Variants in CFAP54 observed in about 807,000 individuals in gnomAD.
CFAP54 encodes cilia- and flagella-associated protein 54.
Under a neutral mutation model 370.4 loss-of-function variants are expected in CFAP54, and 290 were observed. That is an observed-to-expected ratio of 0.78 (90% CI 0.71 to 0.86). The LOEUF (loss-of-function observed/expected upper bound fraction) is 0.86, where lower values mean the gene tolerates loss of function less well. Ranked by LOEUF, CFAP54 falls within the 40% of genes least tolerant of loss-of-function variation. CFAP54 has a pLI of 0.00. For synonymous variants in CFAP54, 1,206 were observed against 1,236.5 expected (o/e 0.98, Z 0.52); for missense variants, 3,399 against 3,528.7 (o/e 0.96, Z 0.93).
At chr12:96,766,882 G>T (rs557015664) in intron 60 of CFAP54, among the ~76,000 whole-genome samples, 2 of 152,266 alleles carry the variant, frequency 1.3e-5, no homozygotes, top group South Asian at 2.1e-4. Context: ...ACAACAACAG[G>T]AACTCATTCT....
At position 96,863,605 on chromosome 12, in the gene CFAP54, T is replaced by C. The variant is rs183559572; in HGVS notation, c.*14+2653T>C. On this transcript the variant is annotated intron_variant, in intron 67 of 67. Coordinates refer to ENST00000524981, the MANE Select transcript of CFAP54 (RefSeq NM_001306084.2). ...ATAGTAAAGGGAGAGGAAGACATAG[T>C]TGAGGTTCAAGCTAAAACTGGGACA... is the stretch of plus-strand genomic sequence containing the variant. 1.4e-4 allele frequency among the ~76,000 whole-genome samples: 21 copies of C among 152,196 alleles called. No homozygotes were observed. The East Asian group carries it at 3.9e-3, about 28-fold the overall frequency.
At chr12:96,532,695 A>G (rs1031928510) in intron 9 of CFAP54, among the ~76,000 whole-genome samples, 2 of 152,054 alleles carry the variant, frequency 1.3e-5, no homozygotes, top group African/African-American at 4.8e-5. Flanking sequence ...ATCATTCTTC[A>G]CTGTAACCTG....
chr12:96,679,504 G>A (rs1957247090), intron 39 of CFAP54, 96 bp from the exon 40 acceptor site: 8 of 1,342,282 alleles, frequency 6.0e-6, no homozygotes, highest in Non-Finnish European at 7.0e-6. Context: ...GCTTTAGGTT[G>A]GGACCAAGAA....
intron 62 of CFAP54, among the ~76,000 whole-genome samples, chr12:96,789,763 T>G (rs965971913): frequency 6.6e-6 from 1 of 152,180 alleles, no homozygotes; most frequent in Non-Finnish European, 1.5e-5. Flanking sequence ...TTTTTTGATA[T>G]AATTAGTGTA....
intron 14 of CFAP54, among the ~76,000 whole-genome samples, chr12:96,543,495 C>A (rs942582847): frequency 6.6e-6 from 1 of 152,136 alleles, no homozygotes; most frequent in Admixed American, 6.5e-5. Context: ...AGGAGGGACT[C>A]CTAACTTCTT....
chr12:96,642,845 A>C (rs1956747259), intron 32 of CFAP54, among the ~76,000 whole-genome samples: 1 of 152,106 alleles, frequency 6.6e-6, no homozygotes, highest in Non-Finnish European at 1.5e-5. Flanking sequence ...AGGTTATTGG[A>C]GCACCCTGAA....
intron 9 of CFAP54, among the ~76,000 whole-genome samples, chr12:96,529,835 A>G (rs1321927597): frequency 1.3e-5 from 2 of 152,168 alleles, no homozygotes; most frequent in African/African-American, 2.4e-5. Context: ...TAATTTTAAT[A>G]TAGTCCAATT....
intron 6 of CFAP54, among the ~76,000 whole-genome samples, chr12:96,519,286 A>G (rs1955276892): frequency 6.6e-6 from 1 of 152,060 alleles, no homozygotes; most frequent in Non-Finnish European, 1.5e-5. Context: ...TTTAGTAGAG[A>G]CAGGGTTTTG....
At chr12:96,490,028 C>CGGACGCAGGGGCTGGCTGAA (rs1486519741) in intron 1 of CFAP54, 102 bp downstream of exon 1, 3 of 1,138,048 alleles carry the variant, frequency 2.6e-6, no homozygotes, top group Non-Finnish European at 3.6e-6. Flanking sequence ...TTCAGCGTTG[C>CGGACGCAGGGGCTGGCTGAA]GGACGCAGGG....
At chr12:96,678,038 G>A (rs1487823015) in intron 39 of CFAP54, among the ~76,000 whole-genome samples, 4 of 152,096 alleles carry the variant, frequency 2.6e-5, no homozygotes, top group Non-Finnish European at 5.9e-5. Context: ...AAGATTTGTT[G>A]TCCTTTGGTG....
At chr12:96,798,926 G>A (rs996905992) in intron 63 of CFAP54, among the ~76,000 whole-genome samples, 4 of 152,022 alleles carry the variant, frequency 2.6e-5, no homozygotes, top group Non-Finnish European at 5.9e-5. Flanking sequence ...CCTAACCAGC[G>A]AATTAAGTAC....
At chr12:96,529,752 G>T (rs879786019) in intron 9 of CFAP54, among the ~76,000 whole-genome samples, 6 of 151,956 alleles carry the variant, frequency 3.9e-5, no homozygotes, top group Non-Finnish European at 7.4e-5. Flanking sequence ...TACATGTATT[G>T]CAAATATCAT....
Position 96,591,910 on chromosome 12 carries a change from ATT to A in CFAP54, c.3213-568_3213-567del, listed in dbSNP as rs11285595. Among the ~76,000 whole-genome samples, 93 of 137,998 alleles carry A rather than the reference ATT, an allele frequency of 6.7e-4. 1 individual carries two copies. The highest frequency in any genetic ancestry group is 5.4e-3 in the Admixed American group (75 of 13,994). 90.5% of individuals were successfully genotyped at this position (137,998 alleles called of 152,430 possible). A position where few individuals can be genotyped will look rare whatever the true frequency, so the allele number is the denominator to read the frequency against. On this transcript the variant is annotated intron_variant, in intron 23 of 67. Transcript: ENST00000524981. ...CGTCTCAAAAAAAAAAAAAAGAAAT[ATT>A]TTTTTTTTTTTGTGGGGAATGTGAA...
At chr12:96,627,023 G>T in intron 30 of CFAP54, 84 bp downstream of exon 30, 1 of 995,184 alleles carries the variant, frequency 1.0e-6, no homozygotes, top group Middle Eastern at 3.4e-4. Context: ...TAAGGTAGAC[G>T]AAAAAGAGAG....
At position 96,674,503 on chromosome 12, in the gene CFAP54, C is replaced by T. The variant is rs117049503; in HGVS notation, c.5564-5097C>T. Among the ~76,000 whole-genome samples, 316 of 151,958 alleles carry T rather than the reference C, an allele frequency of 2.1e-3. 8 individuals carry two copies. Among genetic ancestry groups the T allele is most frequent in the East Asian group, 0.02 (101 of 5,172 alleles). On this transcript the variant is annotated intron_variant, in intron 39 of 67. Coordinates refer to ENST00000524981, the MANE Select transcript of CFAP54 (RefSeq NM_001306084.2). ...AAGATAAGGGCCCTGAAGCTAATGCCGCCTCCTCATTGCTTTGCATCATTT... is the reference window on the plus strand; with the variant it reads ...AAGATAAGGGCCCTGAAGCTAATGCTGCCTCCTCATTGCTTTGCATCATTT...
chr12:96,511,842 G>A (rs1955172830), intron 4 of CFAP54, among the ~76,000 whole-genome samples: 1 of 152,178 alleles, frequency 6.6e-6, no homozygotes, highest in African/African-American at 2.4e-5. Context: ...AGTTTTTATG[G>A]TTACGAATAT....
chr12:96,663,137 G>T lies in CFAP54; in HGVS notation c.5461-693G>T, dbSNP rs537980503. Reference sequence around the variant, plus strand: ...GACTAGATCAAGTAGGGCCTTATGAGGTTGTGGGAAGAAATTTGTATTTTA... The same window carrying T: ...GACTAGATCAAGTAGGGCCTTATGATGTTGTGGGAAGAAATTTGTATTTTA... On this transcript the variant is annotated intron_variant, in intron 38 of 67. Transcript: ENST00000524981. 7.2e-5 allele frequency among the ~76,000 whole-genome samples: 11 copies of T among 152,228 alleles called. No homozygotes were observed. In the South Asian group the frequency reaches 2.3e-3, roughly 32 times the overall value.
intron 66 of CFAP54, among the ~76,000 whole-genome samples, chr12:96,844,559 G>T (rs1368363446): frequency 6.6e-6 from 1 of 152,184 alleles, no homozygotes; most frequent in Non-Finnish European, 1.5e-5. Flanking sequence ...CACTAAATTT[G>T]TGGTAAATTT....
intron 3 of CFAP54, among the ~76,000 whole-genome samples, chr12:96,505,347 C>T (rs972328150): frequency 3.3e-5 from 5 of 152,040 alleles, no homozygotes; most frequent in Non-Finnish European, 7.4e-5. Context: ...CAGGTGTGAG[C>T]CACCGTGCCT....
Sources: allele counts gnomAD v4.1 joint callset (sites outside exome capture counted in the v4.1 genomes callset), GRCh38; gene constraint gnomAD v4.1.1; transcripts MANE v1.5; gene names NCBI Gene and HGNC (gene_info 2026-07-23, HGNC 2026-07-21).